The following NTSR2 variants were observed in gnomAD, a reference collection of about 807,000 sequenced individuals.
NTSR2 encodes neurotensin receptor type 2.
Under a neutral mutation model 24.1 loss-of-function variants are expected in NTSR2, and 22 were observed. The observed-to-expected ratio is 0.91, with a 90% confidence interval of 0.65 to 1.30. The LOEUF is 1.30. NTSR2 is among the 50% of genes most tolerant of loss of function. The probability of loss-of-function intolerance (pLI) is 0.00; values close to 1 mark genes in which losing one functional copy is unlikely to be tolerated. For synonymous variants in NTSR2, 291 were observed against 267.0 expected (o/e 1.09, Z -0.88); for missense variants, 570 against 570.4 (o/e 1.00, Z 0.01).
chr2:11,669,460 G>GGGCGGGGGGGGGCCCCCCCCCCCCCCCC, intron 1 of NTSR2, 46 bp downstream of exon 1: 1 of 254,726 alleles, frequency 3.9e-6, no homozygotes, highest in Non-Finnish European at 6.9e-6. Context: ...TCCCAGCACC[G>GGGCGGGGGGGGGCCCCCCCCCCCCCCCC]CCCCCCCACC....
At position 11,669,902 on chromosome 2, in the gene NTSR2, C is replaced by T; in HGVS notation, c.228G>A (p.Ala76=). 1 of 1,568,202 alleles carries T rather than the reference C, an allele frequency of 6.4e-7. No homozygotes were observed. The change falls in exon 1 of 4, where the codon GCG becomes GCA. Residue 76 remains alanine, a synonymous_variant. Transcript: ENST00000306928. ...GRLRHHVLSL[A]LAGLLLLLVG... is the part of the protein sequence containing the mutation. ...CCAGCAGCAGCAGCAGGCCCGCGAG[C>T]GCCAGGCTGAGCACGTGGTGGCGCA...
At position 11,670,102 on chromosome 2, in the gene NTSR2, G is replaced by A; in HGVS notation, c.28C>T (p.Arg10Trp). METSSPRPP[R>W]PSSNPGLSLD... ...CTCAGCCCCGGGTTGGAGCTGGGCC[G>A]CGGGGGCCGCGGGCTGCTGGTTTCC... The change falls in exon 1 of 4, where the codon CGG (arginine) becomes TGG (tryptophan). Residue 10 changes from arginine to tryptophan, a missense_variant. Arg to Trp is a moderately radical substitution (Grantham distance 101). Coordinates refer to ENST00000306928, the MANE Select transcript of NTSR2 (RefSeq NM_012344.4). The A allele has an allele frequency of 7.2e-7, 1 of 1,392,592 alleles. No homozygotes were observed. The highest frequency in any genetic ancestry group is 9.3e-7 in the Non-Finnish European group (1 of 1,079,718). The allele number at this position is 1,392,592 out of a possible 1,614,324, so 86.3% of individuals were successfully genotyped here. A position where few individuals can be genotyped will look rare whatever the true frequency, so the allele number is the denominator to read the frequency against.
At chr2:11,663,806 A>G (rs1030501189) in intron 1 of NTSR2, among the ~76,000 whole-genome samples, 51 of 152,164 alleles carry the variant, frequency 3.4e-4, no homozygotes, top group Admixed American at 3.1e-3. Flanking sequence ...ACAATTTAAA[A>G]CAGAAATAAA....
In NTSR2 at chr2:11,669,792, AAGT is replaced by A; in HGVS notation, c.335_337del (p.Tyr112del). 20 of 1,557,412 alleles carry A rather than the reference AAGT, an allele frequency of 1.3e-5. No homozygotes were observed. Among genetic ancestry groups the A allele is most frequent in the Non-Finnish European group, 1.7e-5 (20 of 1,158,478 alleles). On this transcript the variant is annotated inframe_deletion, in exon 1 of 4. Coordinates refer to ENST00000306928, the MANE Select transcript of NTSR2 (RefSeq NM_012344.4). ...GGCGTAGGCGCACAGCTCGTGCACG[AAGT>A]AGTAGCCGCGGCAGCCCAGGTCGCC...
At chr2:11,666,720 C>T (rs755685536) in intron 1 of NTSR2, among the ~76,000 whole-genome samples, 4 of 151,860 alleles carry the variant, frequency 2.6e-5, no homozygotes, top group Non-Finnish European at 5.9e-5. Context: ...AAAAGTAAAT[C>T]CAGAGAAGGC....
Position 11,658,690 on chromosome 2 carries a change from A to C in NTSR2, c.1022T>G (p.Met341Arg), listed in dbSNP as rs201182899. 2.3e-4 allele frequency: 376 copies of C among 1,614,072 alleles called. No individual in the cohort carries two copies. The highest frequency in any genetic ancestry group is 2.3e-4 in the Non-Finnish European group (273 of 1,180,036). The change falls in exon 4 of 4, where the codon ATG (methionine) becomes AGG (arginine). Residue 341 changes from methionine (M) to arginine (R), a missense_variant. Physicochemically the swap from Met to Arg is moderately conservative, Grantham distance 91. Coordinates refer to ENST00000306928, the MANE Select transcript of NTSR2 (RefSeq NM_012344.4). ...GACGTAGAAAAGTGTGTTGGTCACC[A>C]TGTAGAAGTAGTGGTAGAAATTGTA... ...PLYNFYHYFY[M>R]VTNTLFYVSS... is the part of the protein sequence containing the mutation.
Position 11,664,412 on chromosome 2 carries a change from C to G in NTSR2, c.625-2172G>C, listed in dbSNP as rs567544278. On this transcript the variant is annotated intron_variant, in intron 1 of 3. Coordinates refer to ENST00000306928, the MANE Select transcript of NTSR2 (RefSeq NM_012344.4). ...GGATTACAGGTGTGAGCCACTGTGC[C>G]TGGACTAACTGAATGATATTTAATA... 2.0e-5 allele frequency among the ~76,000 whole-genome samples: 3 copies of G among 152,342 alleles called. No homozygotes were observed. The South Asian group carries it at 6.2e-4, about 32-fold the overall frequency.
rs777242618 is a variant in NTSR2 at position 11,669,922 on chromosome 2, G to C, written c.208C>G (p.His70Asp). Reference protein sequence around the residue: ...ARAGRAGRLRHHVLSLALAGL... With the variant: ...ARAGRAGRLRDHVLSLALAGL... ...GCGAGCGCCAGGCTGAGCACGTGGT[G>C]GCGCAGGCGCCCCGCGCGCCCGGCC... Residue 70 changes from histidine (H) to aspartate (D), a missense_variant, in exon 1 of 4, where the codon CAC becomes GAC. By Grantham distance (81) the His-to-Asp change is moderately conservative. Transcript: ENST00000306928. 1.4e-5 allele frequency: 22 copies of C among 1,539,200 alleles called. No individual in the cohort carries two copies. The highest frequency in any genetic ancestry group is 1.9e-5 in the Non-Finnish European group (22 of 1,149,308).
chr2:11,669,460 G>GGGGGGGGGGCCCCCCCCCC, intron 1 of NTSR2, 46 bp downstream of exon 1: 1 of 254,726 alleles, frequency 3.9e-6, no homozygotes, highest in Non-Finnish European at 6.9e-6. Context: ...TCCCAGCACC[G>GGGGGGGGGGCCCCCCCCCC]CCCCCCCACC....
In NTSR2 at chr2:11,660,097, GGC is replaced by G; in HGVS notation, c.933_934del (p.Pro312ValfsTer13). ...GTACATGAGCCTGCGGGCATGGTAC[GGC>G]AGCCAGCAGATGACATACATGACCA... is the stretch of plus-strand genomic sequence containing the variant. On this transcript the variant is annotated frameshift_variant, in exon 3 of 4. Coordinates refer to ENST00000306928, the MANE Select transcript of NTSR2 (RefSeq NM_012344.4). LOFTEE classifies it high-confidence loss of function. The G allele has an allele frequency of 6.2e-7, 1 of 1,613,848 alleles. No homozygotes were observed. The highest frequency in any genetic ancestry group is 8.5e-7 in the Non-Finnish European group (1 of 1,180,008).
rs1572261513 is a variant in NTSR2, at chr2:11,658,507, A to G, written c.1205T>C (p.Phe402Ser). 1.2e-6 allele frequency: 2 copies of G among 1,608,406 alleles called. No homozygotes were observed. Among genetic ancestry groups the G allele is most frequent in the East Asian group, 2.2e-5 (1 of 44,778 alleles). Residue 402 changes from phenylalanine to serine, a missense_variant, in exon 4 of 4, where the codon TTT becomes TCT. Transcript: ENST00000306928. ...GGTCCGGGTTTCTGGGGGATCCCCA[A>G]AGCCTGAAGCTGTATCCATTAGGGT... ...SPTLMDTASG[F>S]GDPPETRT
chr2:11,663,987 A>C (rs1661138403), intron 1 of NTSR2, among the ~76,000 whole-genome samples: 2 of 152,194 alleles, frequency 1.3e-5, no homozygotes, highest in African/African-American at 4.8e-5. Context: ...TGTGACTTAG[A>C]AAAATGAATT....
In NTSR2 at chr2:11,664,406, C is replaced by T. The variant is rs549393107; in HGVS notation, c.625-2166G>A. Among the ~76,000 whole-genome samples, 27 of 152,352 alleles carry T rather than the reference C, an allele frequency of 1.8e-4. 1 individual carries two copies. The South Asian group carries it at 5.4e-3, about 30-fold the overall frequency. On this transcript the variant is annotated intron_variant, in intron 1 of 3. Coordinates refer to ENST00000306928, the MANE Select transcript of NTSR2 (RefSeq NM_012344.4). ...GTGCTGGGATTACAGGTGTGAGCCACTGTGCCTGGACTAACTGAATGATAT... is the reference window on the plus strand; with the variant it reads ...GTGCTGGGATTACAGGTGTGAGCCATTGTGCCTGGACTAACTGAATGATAT...
chr2:11,670,012 C>G lies in NTSR2; in HGVS notation c.118G>C (p.Ala40Pro), dbSNP rs1661300761. The change falls in exon 1 of 4, where the codon GCA becomes CCA. Residue 40 changes from alanine (A) to proline (P), a missense_variant. By Grantham distance (27) the Ala-to-Pro change is conservative. Transcript: ENST00000306928. Reference protein sequence around the residue: ...WAKVLFTALYALIWALGAAGN... With the variant: ...WAKVLFTALYPLIWALGAAGN... ...GCCGCGCCCAGCGCCCAGATGAGTGCGTAGAGCGCGGTGAACAGCACCTTG... is the reference window on the plus strand; with the variant it reads ...GCCGCGCCCAGCGCCCAGATGAGTGGGTAGAGCGCGGTGAACAGCACCTTG... 2.6e-6 allele frequency: 4 copies of G among 1,517,010 alleles called. No homozygotes were observed. The highest frequency in any genetic ancestry group is 3.5e-6 in the Non-Finnish European group (4 of 1,138,220). The allele number at this position is 1,517,010 out of a possible 1,614,324, so 94.0% of individuals were successfully genotyped here.
rs1390569403 is a variant in NTSR2, at chr2:11,662,069, T to G, written c.796A>C (p.Ile266Leu). ...TGGATAAAGGTCTTCTTCCATACGA[T>G]GAAGCTGAGGAGACCCTCCTCACTC... ...LLSEEGLLSF[I>L]VWKKTFIQGG... The change falls in exon 2 of 4, where the codon ATC (isoleucine) becomes CTC (leucine). Residue 266 changes from isoleucine (I) to leucine (L), a missense_variant. By Grantham distance (5) the Ile-to-Leu change is conservative. Coordinates refer to ENST00000306928, the MANE Select transcript of NTSR2 (RefSeq NM_012344.4). 6.2e-7 allele frequency: 1 copy of G among 1,613,574 alleles called. No individual in the cohort carries two copies. The highest frequency in any genetic ancestry group is 8.5e-7 in the Non-Finnish European group (1 of 1,179,926).
At chr2:11,665,975 C>T (rs139605851) in intron 1 of NTSR2, 93 of 152,850 alleles carry the variant, frequency 6.1e-4, no homozygotes, top group Middle Eastern at 2.3e-3. Flanking sequence ...TCCATGGTCA[C>T]AGCCTCTGAG....
intron 2 of NTSR2, among the ~76,000 whole-genome samples, 172 bp downstream of exon 2, chr2:11,661,795 T>G (rs974343127): frequency 6.6e-6 from 1 of 152,274 alleles, no homozygotes; most frequent in Admixed American, 6.5e-5. Flanking sequence ...CCTTTAATTA[T>G]AGCACCGAAC....
intron 3 of NTSR2, 27 bp downstream of exon 3, chr2:11,660,016 G>C (rs1298264803): frequency 6.2e-7 from 1 of 1,600,808 alleles, no homozygotes; most frequent in African/African-American, 1.3e-5. Flanking sequence ...CCCTCCCTGT[G>C]TGCTAGGGTC....
rs868171634 is a variant in NTSR2 at position 11,669,864 on chromosome 2, A to G, written c.266T>C (p.Val89Ala). ...GLLLLLVGVP[V>A]ELYSFVWFHY... Reference sequence around the variant, plus strand: ...GAACCACACGAAGCTGTAGAGCTCCACCGGCACGCCGACCAGCAGCAGCAG... The same window carrying G: ...GAACCACACGAAGCTGTAGAGCTCCGCCGGCACGCCGACCAGCAGCAGCAG... Residue 89 changes from valine (V) to alanine (A), a missense_variant, in exon 1 of 4, where the codon GTG becomes GCG. Transcript: ENST00000306928. The G allele has an allele frequency of 1.9e-6, 3 of 1,585,672 alleles. No individual in the cohort carries two copies. The highest frequency in any genetic ancestry group is 2.6e-6 in the Non-Finnish European group (3 of 1,172,518).
Sources: gnomAD v4.1 joint callset for allele counts (sites outside exome capture counted in the v4.1 genomes callset) on GRCh38, gnomAD v4.1.1 for gene constraint, MANE v1.5 for transcripts, NCBI Gene and HGNC (gene_info 2026-07-23, HGNC 2026-07-21) for gene names.